The following LUZP2 variants were observed in gnomAD, a reference collection of about 807,000 sequenced individuals.
The protein encoded by LUZP2 is leucine zipper protein 2.
LUZP2 carries 52 observed loss-of-function variants against 51.6 expected under a neutral mutation model. That is an observed-to-expected ratio of 1.01 (90% CI 0.81 to 1.27). The LOEUF (loss-of-function observed/expected upper bound fraction) is 1.27, where lower values mean the gene tolerates loss of function less well. Ranked by LOEUF, LUZP2 falls within the 50% of genes most tolerant of loss-of-function variation. The pLI is 0.00. For synonymous variants in LUZP2, 154 were observed against 137.3 expected, an observed-to-expected ratio of 1.12 and a Z score of -0.85; for missense variants, 436 against 395.4, an observed-to-expected ratio of 1.10 and a Z score of -0.87.
chr11:24,816,024 A>G (rs898196791), intron 5 of LUZP2, among the ~76,000 whole-genome samples: 67 of 143,642 alleles, frequency 4.7e-4, no homozygotes, highest in African/African-American at 1.7e-3. Flanking sequence ...AAAAAAAAAG[A>G]CTTTTATCAC....
chr11:24,931,981 G>A (rs896038316), intron 7 of LUZP2, among the ~76,000 whole-genome samples: 10 of 152,156 alleles, frequency 6.6e-5, no homozygotes, highest in Admixed American at 5.9e-4. Flanking sequence ...TCTTCCCATA[G>A]GGATGTGACT....
intron 1 of LUZP2, among the ~76,000 whole-genome samples, chr11:24,538,077 G>T (rs1851237057): frequency 6.6e-6 from 1 of 151,732 alleles, no homozygotes. Flanking sequence ...AAACACACAT[G>T]CACACACCGC....
intron 1 of LUZP2, among the ~76,000 whole-genome samples, chr11:24,654,612 C>T (rs964835854): frequency 2.0e-5 from 3 of 152,020 alleles, no homozygotes; most frequent in Non-Finnish European, 4.4e-5. Flanking sequence ...AAGCCATTCT[C>T]CTGCCTCAGC....
chr11:24,526,290 C>T (rs950851776), intron 1 of LUZP2, among the ~76,000 whole-genome samples: 4 of 149,306 alleles, frequency 2.7e-5, no homozygotes, highest in Non-Finnish European at 4.5e-5. Context: ...CTCAAGAGTG[C>T]ATATTACTTC....
intron 7 of LUZP2, among the ~76,000 whole-genome samples, chr11:24,927,177 A>G (rs1401804244): frequency 1.3e-5 from 2 of 151,768 alleles, no homozygotes; most frequent in African/African-American, 2.4e-5. Flanking sequence ...AAATACAAAA[A>G]TATAGATTGT....
chr11:24,886,147 T>A (rs983208652), intron 5 of LUZP2, among the ~76,000 whole-genome samples: 3 of 152,196 alleles, frequency 2.0e-5, no homozygotes, highest in African/African-American at 4.8e-5. Flanking sequence ...AATCTGTATG[T>A]ATATTAAAAA....
chr11:24,830,202 C>G (rs756681543), intron 5 of LUZP2, among the ~76,000 whole-genome samples: 10 of 152,170 alleles, frequency 6.6e-5, no homozygotes, highest in Non-Finnish European at 1.3e-4. Context: ...ACTACCATCA[C>G]ATAAACTTTC....
At chr11:24,861,916 T>A (rs1851754670) in intron 5 of LUZP2, among the ~76,000 whole-genome samples, 2 of 152,146 alleles carry the variant, frequency 1.3e-5, no homozygotes, top group Admixed American at 1.3e-4. Context: ...CAAGCCTGTT[T>A]ATGATAAATT....
intron 7 of LUZP2, among the ~76,000 whole-genome samples, chr11:24,945,414 C>T (rs923885845): frequency 6.6e-6 from 1 of 152,042 alleles, no homozygotes; most frequent in African/African-American, 2.4e-5. Context: ...CTCTCTTCAC[C>T]TCTTCTGAAT....
intron 5 of LUZP2, among the ~76,000 whole-genome samples, chr11:24,833,427 G>T (rs1850756719): frequency 6.6e-6 from 1 of 152,106 alleles, no homozygotes. Flanking sequence ...AAATATTCGT[G>T]CATTTTCTCT....
At chr11:24,985,600 A>G (rs933587717) in intron 9 of LUZP2, among the ~76,000 whole-genome samples, 1 of 151,714 alleles carries the variant, frequency 6.6e-6, no homozygotes, top group Non-Finnish European at 1.5e-5. Flanking sequence ...TTATTGAGTC[A>G]TAATAATTGT....
At chr11:24,693,418 A>G (rs1021005206) in intron 1 of LUZP2, among the ~76,000 whole-genome samples, 11 of 151,758 alleles carry the variant, frequency 7.2e-5, no homozygotes, top group African/African-American at 2.7e-4. Context: ...AAGAATCAAT[A>G]TATGATTTAA....
chr11:25,058,749 C>G (rs911053636), intron 10 of LUZP2, among the ~76,000 whole-genome samples: 14 of 152,334 alleles, frequency 9.2e-5, no homozygotes, highest in African/African-American at 3.1e-4. Context: ...CCCTTCCCCT[C>G]GACCACTCCT....
intron 1 of LUZP2, among the ~76,000 whole-genome samples, chr11:24,674,314 C>T (rs984385241): frequency 2.6e-5 from 4 of 152,108 alleles, no homozygotes; most frequent in Admixed American, 6.6e-5. Context: ...TTCTGCTAGC[C>T]CCGACATCTC....
chr11:24,742,694 T>C (rs1171034971), intron 4 of LUZP2, among the ~76,000 whole-genome samples: 1 of 152,136 alleles, frequency 6.6e-6, no homozygotes, highest in Non-Finnish European at 1.5e-5. Flanking sequence ...AGCTCTTTAG[T>C]CTAATTAAGT....
At chr11:24,929,912 A>G (rs2133832050) in intron 7 of LUZP2, among the ~76,000 whole-genome samples, 1 of 152,242 alleles carries the variant, frequency 6.6e-6, no homozygotes, top group Non-Finnish European at 1.5e-5. Context: ...TGGGAGCTCC[A>G]GTGTTAGGTG....
chr11:24,965,734 T>C (rs1230117189), intron 7 of LUZP2, among the ~76,000 whole-genome samples: 4 of 151,796 alleles, frequency 2.6e-5, no homozygotes, highest in Non-Finnish European at 4.4e-5. Flanking sequence ...CAATATGAAA[T>C]GTATGTAGAA....
intron 5 of LUZP2, among the ~76,000 whole-genome samples, chr11:24,893,635 G>A (rs57570267): frequency 0.042 from 6,427 of 151,940 alleles, 437 homozygotes; most frequent in African/African-American, 0.14. Flanking sequence ...TTACACATTT[G>A]GACTCAGAAT....
chr11:25,056,546 T>C (rs549647152), intron 10 of LUZP2, among the ~76,000 whole-genome samples: 10 of 152,236 alleles, frequency 6.6e-5, no homozygotes, highest in South Asian at 4.1e-4. Flanking sequence ...AAAACCTAGA[T>C]GTGTATATTG....
Sources: gnomAD v4.1 joint callset for allele counts (sites outside exome capture counted in the v4.1 genomes callset) on GRCh38, gnomAD v4.1.1 for gene constraint, MANE v1.5 for transcripts, NCBI Gene and HGNC (gene_info 2026-07-23, HGNC 2026-07-21) for gene names.